MACROD2: variants seen among roughly 807,000 people sequenced by gnomAD.
The protein encoded by MACROD2 is ADP-ribose glycohydrolase MACROD2.
MACROD2 carries 36 observed loss-of-function variants against 70.4 expected under a neutral mutation model. That is an observed-to-expected ratio of 0.51 (90% confidence interval 0.39 to 0.68). MACROD2 has a LOEUF of 0.68. Ranked by LOEUF, MACROD2 falls within the 30% of genes least tolerant of loss-of-function variation. MACROD2 has a pLI of 0.00. For synonymous variants in MACROD2, 172 were observed against 178.8 expected, an observed-to-expected ratio of 0.96 and a Z score of 0.30; for missense variants, 496 against 538.4, an observed-to-expected ratio of 0.92 and a Z score of 0.78.
chr20:15,685,097 G>A (rs538760798), intron 8 of MACROD2, among the ~76,000 whole-genome samples: 1 of 152,186 alleles, frequency 6.6e-6, no homozygotes, highest in East Asian at 1.9e-4. Context: ...TAATAAAATA[G>A]AGTCTCTGTG....
intron 6 of MACROD2, among the ~76,000 whole-genome samples, chr20:15,342,108 G>C (rs554986112): frequency 6.6e-6 from 1 of 152,248 alleles, no homozygotes; most frequent in East Asian, 1.9e-4. Context: ...AAAAGTGATT[G>C]ATAGTTTAAC....
chr20:15,352,795 G>C (rs1483364361), intron 6 of MACROD2, among the ~76,000 whole-genome samples: 5 of 152,076 alleles, frequency 3.3e-5, no homozygotes, highest in Non-Finnish European at 5.9e-5. Flanking sequence ...CAACTTACAA[G>C]GGATGTGAAG....
intron 6 of MACROD2, among the ~76,000 whole-genome samples, chr20:15,318,623 A>G (rs1009358899): frequency 1.3e-5 from 2 of 152,162 alleles, no homozygotes; most frequent in Admixed American, 1.3e-4. Flanking sequence ...ATTATACATT[A>G]TAACTAAATG....
At chr20:14,046,365 T>C (rs898491300) in intron 2 of MACROD2, among the ~76,000 whole-genome samples, 3 of 152,160 alleles carry the variant, frequency 2.0e-5, no homozygotes, top group Non-Finnish European at 2.9e-5. Flanking sequence ...TTGAAATAGA[T>C]TTTTCAGACA....
intron 5 of MACROD2, among the ~76,000 whole-genome samples, chr20:15,172,070 C>T (rs2076426658): frequency 6.6e-6 from 1 of 152,074 alleles, no homozygotes; most frequent in Non-Finnish European, 1.5e-5. Flanking sequence ...CTTAAAAGAC[C>T]TAAGCTCAAG....
At chr20:14,520,694 T>C (rs189338037) in intron 4 of MACROD2, among the ~76,000 whole-genome samples, 1 of 152,334 alleles carries the variant, frequency 6.6e-6, no homozygotes, top group East Asian at 1.9e-4. Flanking sequence ...GTGTAAACTT[T>C]CCTGACTTCC....
chr20:14,423,212 A>G (rs1274799588), intron 3 of MACROD2, among the ~76,000 whole-genome samples: 1 of 152,214 alleles, frequency 6.6e-6, no homozygotes, highest in African/African-American at 2.4e-5. Flanking sequence ...AAGTATGAAT[A>G]AAGACACCAC....
chr20:15,153,651 A>G (rs2076287114), intron 5 of MACROD2, among the ~76,000 whole-genome samples: 2 of 152,218 alleles, frequency 1.3e-5, no homozygotes, highest in Non-Finnish European at 2.9e-5. Flanking sequence ...ATGAAGCCAG[A>G]TATGGAATAC....
chr20:15,626,167 G>A (rs545511688), intron 8 of MACROD2, among the ~76,000 whole-genome samples: 16 of 152,210 alleles, frequency 1.1e-4, no homozygotes, highest in African/African-American at 3.4e-4. Context: ...TTTCTTTTTG[G>A]AAGAAATCTT....
Position 14,056,644 on chromosome 20 carries a change from A to C in MACROD2, c.164-28977A>C, listed in dbSNP as rs555584350. ...AAAATGATGAAATGTATGTGTTTAC[A>C]ATTGTTATTTTCCATTTTTAGTATA... is the stretch of plus-strand genomic sequence containing the variant. On this transcript the variant is annotated intron_variant, in intron 2 of 17. Coordinates refer to ENST00000684519, the MANE Select transcript of MACROD2 (RefSeq NM_001351661.2). Among the ~76,000 whole-genome samples, 628 of 146,926 alleles carry C rather than the reference A, an allele frequency of 4.3e-3. 4 individuals are homozygous for C. The highest frequency in any genetic ancestry group is 0.015 in the African/African-American group (595 of 40,778).
intron 5 of MACROD2, among the ~76,000 whole-genome samples, chr20:14,889,510 G>A (rs2088973155): frequency 6.6e-6 from 1 of 152,050 alleles, no homozygotes; most frequent in African/African-American, 2.4e-5. Context: ...GAGAAGAAGA[G>A]ATTTTAGCAA....
At chr20:14,850,022 T>C (rs528195764) in intron 5 of MACROD2, 1 of 513,778 alleles carries the variant, frequency 1.9e-6, no homozygotes, top group Non-Finnish European at 3.9e-6. Flanking sequence ...CTCTATTGTA[T>C]TCCTGCAGGT....
intron 6 of MACROD2, among the ~76,000 whole-genome samples, chr20:15,394,290 A>G (rs189397936): frequency 3.6e-4 from 55 of 152,338 alleles, no homozygotes; most frequent in African/African-American, 1.3e-3. Flanking sequence ...ACAAATGCCT[A>G]CAATTTTGGG....
rs150152227 is a variant in MACROD2 at position 14,405,746 on chromosome 20, A to G, written c.272-87733A>G. ...TGTACCTATGGTTAAATTCAGTCTC[A>G]GATCTTGTATTTCTATCATACCATG... On this transcript the variant is annotated intron_variant, in intron 3 of 17. Transcript: ENST00000684519. 9.6e-3 allele frequency among the ~76,000 whole-genome samples: 1,463 copies of G among 152,288 alleles called. 27 individuals are homozygous for G. Among genetic ancestry groups the G allele is most frequent in the African/African-American group, 0.034 (1,397 of 41,578 alleles).
At chr20:14,395,792 A>G (rs1271544358) in intron 3 of MACROD2, among the ~76,000 whole-genome samples, 1 of 152,202 alleles carries the variant, frequency 6.6e-6, no homozygotes, top group East Asian at 1.9e-4. Context: ...TTTTAATTTT[A>G]ATCAACTGTA....
rs117128086 is a variant in MACROD2 at position 15,736,295 on chromosome 20, A to G, written c.646-126450A>G. ...CTAGAGCAAGTGCCACACATATGGCATAATTAACTGTGGTGGTTTTAGGAA... is the reference window on the plus strand; with the variant it reads ...CTAGAGCAAGTGCCACACATATGGCGTAATTAACTGTGGTGGTTTTAGGAA... On this transcript the variant is annotated intron_variant, in intron 8 of 17. Coordinates refer to ENST00000684519, the MANE Select transcript of MACROD2 (RefSeq NM_001351661.2). 4.5e-3 allele frequency among the ~76,000 whole-genome samples: 687 copies of G among 152,362 alleles called. 3 individuals are homozygous for G. Among genetic ancestry groups the G allele is most frequent in the Non-Finnish European group, 7.9e-3 (537 of 68,038 alleles).
intron 4 of MACROD2, among the ~76,000 whole-genome samples, chr20:14,506,688 C>T (rs373955557): frequency 1.9e-4 from 29 of 152,260 alleles, no homozygotes; most frequent in African/African-American, 6.0e-4. Context: ...TGGTGGGTCA[C>T]GCCTGTAATC....
At chr20:14,666,474 C>A (rs1282303817) in intron 4 of MACROD2, among the ~76,000 whole-genome samples, 1 of 152,066 alleles carries the variant, frequency 6.6e-6, no homozygotes. Flanking sequence ...TCCTTACCAT[C>A]CCTCATTTAC....
At chr20:15,197,955 GC>G (rs1454640017) in intron 5 of MACROD2, among the ~76,000 whole-genome samples, 1 of 115,090 alleles carries the variant, frequency 8.7e-6, no homozygotes, top group Non-Finnish European at 1.7e-5. Context: ...CCTTGGCCTG[GC>G]CTCCTTTTTT....
Sources: allele counts gnomAD v4.1 joint callset (sites outside exome capture counted in the v4.1 genomes callset), GRCh38; gene constraint gnomAD v4.1.1; transcripts MANE v1.5; gene names NCBI Gene and HGNC (gene_info 2026-07-23, HGNC 2026-07-21).